SLC9A7: variants seen among roughly 807,000 people sequenced by gnomAD.
SLC9A7 encodes solute carrier family 9 member A7.
In SLC9A7, 19 loss-of-function variants were observed where a neutral mutation model predicts 52.6. That is an observed-to-expected ratio of 0.36 (90% confidence interval 0.25 to 0.53). The LOEUF (loss-of-function observed/expected upper bound fraction) is 0.53. Ranked by LOEUF, SLC9A7 falls within the 20% of genes least tolerant of loss-of-function variation. SLC9A7 has a pLI of 0.91. For synonymous variants in SLC9A7, 226 were observed against 252.1 expected, an observed-to-expected ratio of 0.90 and a Z score of 0.98; for missense variants, 455 against 597.9, an observed-to-expected ratio of 0.76 and a Z score of 2.49.
At chrX:46,607,302 C>A in intron 16 of SLC9A7, 99 bp from the exon 17 acceptor site, 2 of 983,536 alleles carry the variant, frequency 2.0e-6, no homozygotes, top group Non-Finnish European at 2.8e-6. Flanking sequence ...CATCTGAAAA[C>A]TGGGGACTAT....
At chrX:46,709,341 A>C (rs1189293214) in intron 1 of SLC9A7, among the ~76,000 whole-genome samples, 2 of 111,372 alleles carry the variant, frequency 1.8e-5, no homozygotes, top group Non-Finnish European at 3.8e-5. Context: ...CAGGAGGTCA[A>C]GGCTGCAGTG....
chrX:46,708,479 G>A (rs754661412), intron 1 of SLC9A7, among the ~76,000 whole-genome samples: 7 of 109,753 alleles, frequency 6.4e-5, no homozygotes, highest in Non-Finnish European at 9.5e-5. Context: ...GTAGTGAGAC[G>A]AGATCGCACC....
intron 7 of SLC9A7, among the ~76,000 whole-genome samples, chrX:46,656,979 C>T (rs1230749269): frequency 4.7e-5 from 5 of 105,791 alleles, no homozygotes; most frequent in South Asian, 9.0e-4. Flanking sequence ...AGAGAAAGGT[C>T]GGGTTACCCT....
chrX:46,756,552 G>T (rs1556292496), intron 1 of SLC9A7, among the ~76,000 whole-genome samples: 2 of 111,882 alleles, frequency 1.8e-5, no homozygotes, highest in African/African-American at 6.5e-5. Flanking sequence ...CATGACATTA[G>T]AATTCAGATT....
intron 14 of SLC9A7, among the ~76,000 whole-genome samples, chrX:46,630,806 A>G (rs1486670716): frequency 2.7e-5 from 3 of 112,457 alleles, no homozygotes; most frequent in African/African-American, 9.7e-5. Flanking sequence ...AAGCCACGGA[A>G]GTGATGCTGT....
At chrX:46,747,350 A>G (rs1013299959) in intron 1 of SLC9A7, among the ~76,000 whole-genome samples, 1 of 112,125 alleles carries the variant, frequency 8.9e-6, no homozygotes, top group Admixed American at 9.5e-5. Context: ...TCTCAAATAT[A>G]CTGATTTAAT....
intron 1 of SLC9A7, among the ~76,000 whole-genome samples, chrX:46,703,614 T>C (rs1332233199): frequency 2.7e-5 from 3 of 111,729 alleles, no homozygotes; most frequent in Non-Finnish European, 5.6e-5. Context: ...CCAATCTACA[T>C]CATGGGATAG....
chrX:46,660,662 C>T (rs1225530556), intron 7 of SLC9A7, among the ~76,000 whole-genome samples: 5 of 110,378 alleles, frequency 4.5e-5, no homozygotes, highest in African/African-American at 1.7e-4. Context: ...AAATCAAAAC[C>T]ACAATGAGAT....
chrX:46,751,625 T>C (rs1922242317), intron 1 of SLC9A7, among the ~76,000 whole-genome samples: 1 of 110,783 alleles, frequency 9.0e-6, no homozygotes, highest in Admixed American at 9.7e-5. Context: ...CTGGGCAACA[T>C]GGCGAAACCC....
chrX:46,639,283 T>C (rs1483658692), intron 12 of SLC9A7, among the ~76,000 whole-genome samples: 5 of 79,044 alleles, frequency 6.3e-5, no homozygotes, highest in African/African-American at 2.2e-4. Context: ...TGCTTTCCTC[T>C]TTTTTTTTTT....
chrX:46,632,564 G>A (rs1247892101), intron 13 of SLC9A7, among the ~76,000 whole-genome samples: 3 of 110,297 alleles, frequency 2.7e-5, no homozygotes, highest in South Asian at 3.9e-4. Context: ...AATCCCCTTC[G>A]CCTGTCTTCA....
At chrX:46,750,929 C>T (rs1449385452) in intron 1 of SLC9A7, among the ~76,000 whole-genome samples, 1 of 112,104 alleles carries the variant, frequency 8.9e-6, no homozygotes, top group Non-Finnish European at 1.9e-5. Context: ...CCTATTACTT[C>T]TCTTTTCTGG....
chrX:46,655,893 C>T (rs1316158765), intron 7 of SLC9A7, among the ~76,000 whole-genome samples: 1 of 112,774 alleles, frequency 8.9e-6, no homozygotes, highest in Non-Finnish European at 1.9e-5. Context: ...GCCTGCCTGC[C>T]TCTGTAGGCT....
chrX:46,716,805 T>A (rs1240651003), intron 1 of SLC9A7, among the ~76,000 whole-genome samples: 2 of 112,467 alleles, frequency 1.8e-5, no homozygotes, highest in Admixed American at 1.9e-4. Context: ...TTTATTTATT[T>A]ATTTTTTCCT....
At position 46,623,064 on chromosome X, in the gene SLC9A7, G is replaced by A. The variant is rs1018361369; in HGVS notation, c.1741-2005C>T. ...CATGATTAGGTATAGGAAGAACTTA[G>A]ATAAATCCACATATGGTGGCTTTGG... On this transcript the variant is annotated intron_variant, in intron 14 of 16. Transcript: ENST00000616978. Among the ~76,000 whole-genome samples the A allele has an allele frequency of 4.4e-5, 5 of 112,549 alleles. No individual in the cohort carries two copies. In the Admixed American group the frequency reaches 4.7e-4, roughly 11 times the overall value.
chrX:46,668,926 G>A (rs1004310349), intron 5 of SLC9A7, among the ~76,000 whole-genome samples: 1 of 111,488 alleles, frequency 9.0e-6, no homozygotes, highest in African/African-American at 3.3e-5. Flanking sequence ...CCAGCACTTT[G>A]GGAGGCCAAG....
chrX:46,698,254 C>A (rs1944477824), intron 1 of SLC9A7, among the ~76,000 whole-genome samples: 2 of 111,585 alleles, frequency 1.8e-5, no homozygotes, highest in African/African-American at 6.5e-5. Context: ...TTTGAAACTC[C>A]CTAATAAAAA....
intron 1 of SLC9A7, among the ~76,000 whole-genome samples, chrX:46,748,707 ATTATATGAATTCAC>A (rs1374141698): frequency 5.5e-5 from 6 of 110,006 alleles, no homozygotes; most frequent in Non-Finnish European, 1.1e-4. Flanking sequence ...AAAGACAAAT[ATTATATGAATTCAC>A]TTATATGAAT....
chrX:46,684,312 C>T (rs915343980), intron 1 of SLC9A7, among the ~76,000 whole-genome samples: 1 of 111,560 alleles, frequency 9.0e-6, no homozygotes, highest in African/African-American at 3.3e-5. Flanking sequence ...TCAAGCAATT[C>T]TCCTGCCTCA....
Sources: allele counts gnomAD v4.1 joint callset (sites outside exome capture counted in the v4.1 genomes callset), GRCh38; gene constraint gnomAD v4.1.1; transcripts MANE v1.5; gene names NCBI Gene and HGNC (gene_info 2026-07-23, HGNC 2026-07-21).